Variants in UMODL1 observed in about 807,000 individuals in gnomAD.
UMODL1 encodes uromodulin like 1, also known as uromodulin-like 1.
In UMODL1, 128 loss-of-function variants were observed where a neutral mutation model predicts 136.3. That is an observed-to-expected ratio of 0.94 (90% CI 0.81 to 1.09). The LOEUF is 1.09. Ranked by LOEUF, UMODL1 falls within the 50% of genes least tolerant of loss-of-function variation. The pLI, the probability that UMODL1 is intolerant of heterozygous loss-of-function variation, is 0.00. For synonymous variants in UMODL1, 721 were observed against 720.0 expected, an observed-to-expected ratio of 1.00 and a Z score of -0.02; for missense variants, 1,766 against 1,725.6, an observed-to-expected ratio of 1.02 and a Z score of -0.41.
chr21:42,085,325 C>T lies in UMODL1; in HGVS notation c.516C>T (p.Asn172=), dbSNP rs185422923. The T allele has an allele frequency of 1.5e-5, 25 of 1,614,036 alleles. No individual in the cohort carries two copies. The highest frequency in any genetic ancestry group is 8.0e-5 in the African/African-American group (6 of 75,014). The change falls in exon 4 of 23, where the codon AAC becomes AAT. Residue 172 remains asparagine (N), a synonymous_variant. Coordinates refer to ENST00000408910, the MANE Select transcript of UMODL1 (RefSeq NM_001004416.3). This position sits in a 1 kb window ranked among gnomAD's most constrained non-coding sequence, Gnocchi z 4.5. ...GGGACCCTGTGGGCTCCTGGTACAA[C>T]GTCACCATACTGGTGAAAATGGACT... ...PERDPVGSWY[N]VTILVKMDFK... is the part of the protein sequence containing the mutation.
At chr21:42,082,709 C>T (rs2066376449) in intron 2 of UMODL1, among the ~76,000 whole-genome samples, 1 of 152,198 alleles carries the variant, frequency 6.6e-6, no homozygotes, top group Non-Finnish European at 1.5e-5. Flanking sequence ...ATCTCCTGCC[C>T]TGGGCCCACC....
At position 42,088,474 on chromosome 21, in the gene UMODL1, G is replaced by A. The variant is rs1023867083; in HGVS notation, c.784G>A (p.Val262Met). 3 of 1,595,284 alleles carry A rather than the reference G, an allele frequency of 1.9e-6. No individual in the cohort carries two copies. The African/African-American group carries it at 4.0e-5, about 21-fold the overall frequency. ...KRVYEVISVQ[V>M]QDVNECFYEE... is the part of the protein sequence containing the mutation. ...TGTCTATGAAGTGATCAGCGTCCAG[G>A]TGCAAGGTTGGGCTTCCCTCAATCC... Residue 262 changes from valine to methionine, a missense_variant, in exon 5 of 23, where the codon GTG becomes ATG. By Grantham distance (21) the Val-to-Met change is conservative (BLOSUM62 1). Coordinates refer to ENST00000408910, the MANE Select transcript of UMODL1 (RefSeq NM_001004416.3).
intron 17 of UMODL1, among the ~76,000 whole-genome samples, chr21:42,124,584 T>C (rs1057237483): frequency 1.3e-5 from 2 of 151,892 alleles, no homozygotes; most frequent in African/African-American, 4.8e-5. Context: ...GGGTGGGGTA[T>C]GAGGCCTGGT....
At chr21:42,127,599 G>A in intron 19 of UMODL1, 73 bp from the exon 20 acceptor site, 1 of 1,491,894 alleles carries the variant, frequency 6.7e-7, no homozygotes, top group Non-Finnish European at 9.0e-7. Context: ...ATGTAGTCGT[G>A]AGTAAACTCA....
intron 9 of UMODL1, chr21:42,108,605 G>C (rs573168539): frequency 2.9e-6 from 1 of 341,740 alleles, no homozygotes; most frequent in Middle Eastern, 9.8e-4. Context: ...GTGTGGGTTC[G>C]TTCCCGAGCA....
chr21:42,100,737 C>A (rs1424861322), intron 7 of UMODL1, among the ~76,000 whole-genome samples: 1 of 116,692 alleles, frequency 8.6e-6, no homozygotes, highest in African/African-American at 3.3e-5. Flanking sequence ...GTGCCCTCCT[C>A]ACCCTCCCCA....
chr21:42,088,477 C>A lies in UMODL1; in HGVS notation c.787C>A (p.Gln263Lys). The A allele has an allele frequency of 1.3e-6, 2 of 1,593,144 alleles. No individual in the cohort carries two copies. The highest frequency in any genetic ancestry group is 1.7e-6 in the Non-Finnish European group (2 of 1,163,094). Residue 263 changes from glutamine (Q) to lysine (K), a missense_variant, in exon 5 of 23, where the codon CAA (glutamine) becomes AAA (lysine). Gln to Lys is a moderately conservative substitution (Grantham distance 53). Transcript: ENST00000408910. ...RVYEVISVQVQDVNECFYEEL... is the reference protein window; with the variant it reads ...RVYEVISVQVKDVNECFYEEL... ...CTATGAAGTGATCAGCGTCCAGGTG[C>A]AAGGTTGGGCTTCCCTCAATCCTCC...
chr21:42,141,224 C>T (rs571648905), intron 22 of UMODL1, among the ~76,000 whole-genome samples: 1 of 152,342 alleles, frequency 6.6e-6, no homozygotes, highest in East Asian at 1.9e-4. Context: ...AAGGCAACCT[C>T]CATGCTGCCC....
intron 1 of UMODL1, among the ~76,000 whole-genome samples, chr21:42,064,390 A>G (rs2066166825): frequency 6.6e-6 from 1 of 152,112 alleles, no homozygotes; most frequent in South Asian, 2.1e-4. Flanking sequence ...GAACTGAAAC[A>G]TTACCTCTCC....
chr21:42,111,207 G>A (rs1213562885), intron 11 of UMODL1, 86 bp downstream of exon 11: 8 of 1,529,204 alleles, frequency 5.2e-6, no homozygotes, highest in Non-Finnish European at 7.0e-6. Context: ...AGCCAGGGGA[G>A]CCTCAGACAG....
At chr21:42,074,407 T>C (rs1400776388) in intron 1 of UMODL1, among the ~76,000 whole-genome samples, 1 of 152,214 alleles carries the variant, frequency 6.6e-6, no homozygotes, top group Admixed American at 6.5e-5. Context: ...TCTGAGTTAC[T>C]GGGGTTTAGG....
intron 5 of UMODL1, 47 bp downstream of exon 5, chr21:42,088,527 C>G (rs1445230395): frequency 1.3e-6 from 2 of 1,530,454 alleles, no homozygotes; most frequent in Non-Finnish European, 1.8e-6. Context: ...CAGGGTGGTG[C>G]CTGAACAGCC....
intron 7 of UMODL1, among the ~76,000 whole-genome samples, chr21:42,100,044 C>T (rs912788295): frequency 6.6e-6 from 1 of 152,158 alleles, no homozygotes; most frequent in South Asian, 2.1e-4. Context: ...TGGCTCTGCC[C>T]GTGTCTTGCT....
At chr21:42,095,490 C>CT (rs377565810) in intron 6 of UMODL1, among the ~76,000 whole-genome samples, 116,377 of 151,352 alleles carry the variant, frequency 0.77, 44,991 homozygotes, top group East Asian at 0.89. Context: ...GTGTATAAAT[C>CT]CCCCCGATTC....
rs1334798205 is a variant in UMODL1 at position 42,102,254 on chromosome 21, CT to C, written c.1279del (p.Ser427LeufsTer25). ...LNRSSVEYQD[F>X]SRQLLHEVES... ...ACCGCAGCAGTGTGGAGTACCAGGA[CT>C]TTTCTAGACAACTGCTTCACGAGGT... On this transcript the variant is annotated frameshift_variant, in exon 8 of 23. Transcript: ENST00000408910. LOFTEE classifies it high-confidence loss of function. The C allele has an allele frequency of 2.5e-6, 4 of 1,612,864 alleles. No homozygotes were observed. The highest frequency in any genetic ancestry group is 3.4e-6 in the Non-Finnish European group (4 of 1,179,226).
intron 12 of UMODL1, among the ~76,000 whole-genome samples, chr21:42,112,703 T>A (rs1033523867): frequency 6.6e-6 from 1 of 151,964 alleles, no homozygotes; most frequent in Non-Finnish European, 1.5e-5. Context: ...CACAGTTCTG[T>A]AGTTCCCCAG....
chr21:42,113,457 C>T (rs2066862688), intron 12 of UMODL1, 116 bp from the exon 13 acceptor site: 1 of 1,338,028 alleles, frequency 7.5e-7, no homozygotes. Context: ...GCGGCCATCA[C>T]CTGCAAATCG....
chr21:42,109,613 G>T lies in UMODL1; in HGVS notation c.1571G>T (p.Trp524Leu). 1 of 1,611,320 alleles carries T rather than the reference G, an allele frequency of 6.2e-7. No homozygotes were observed. ...GAACACGACTGCTCACCGGCTGCCT[G>T]GTGCATCAACCTGGAGGGCTCCTAC... is the stretch of plus-strand genomic sequence containing the variant. The part of the protein sequence containing the change: ...SAEHDCSPAA[W>L]CINLEGSYTC... Residue 524 changes from tryptophan (W) to leucine (L), a missense_variant, in exon 10 of 23, where the codon TGG becomes TTG. Transcript: ENST00000408910.
chr21:42,073,668 C>G (rs2066256726), intron 1 of UMODL1, among the ~76,000 whole-genome samples: 1 of 152,146 alleles, frequency 6.6e-6, no homozygotes. Context: ...GGGTGAGTAA[C>G]AAGCCCCTGG....
Sources: allele counts gnomAD v4.1 joint callset (sites outside exome capture counted in the v4.1 genomes callset), GRCh38; gene constraint gnomAD v4.1.1; non-coding constraint Gnocchi (gnomAD v3.1); transcripts MANE v1.5; gene names NCBI Gene and HGNC (gene_info 2026-07-23, HGNC 2026-07-21).